Variants in NETO1 observed in about 807,000 individuals in gnomAD.
NETO1 encodes neuropilin and tolloid like 1.
NETO1 carries 26 observed loss-of-function variants against 61.3 expected under a neutral mutation model. The ratio of observed to expected loss-of-function variants is 0.42; its 90% CI spans 0.31 to 0.59. The LOEUF (loss-of-function observed/expected upper bound fraction) is 0.59, where lower values mean the gene tolerates loss of function less well. Ranked by LOEUF, NETO1 falls within the 20% of genes least tolerant of loss-of-function variation. The pLI is 0.12. For synonymous variants in NETO1, 225 were observed against 225.8 expected (o/e 1.00, Z 0.03); for missense variants, 531 against 662.8 (o/e 0.80, Z 2.18).
At chr18:72,768,247 T>G (rs1195456478) in intron 7 of NETO1, among the ~76,000 whole-genome samples, 1 of 152,108 alleles carries the variant, frequency 6.6e-6, no homozygotes, top group Non-Finnish European at 1.5e-5. Context: ...CTTTTTTATT[T>G]TTTTCTACAG....
At chr18:72,865,548 A>G in intron 1 of NETO1, 1 of 1,601,708 alleles carries the variant, frequency 6.2e-7, no homozygotes, top group Non-Finnish European at 8.5e-7. Context: ...GTGGGACTAC[A>G]GGAGTCACAC....
At chr18:72,829,166 G>T (rs1266028080) in intron 4 of NETO1, among the ~76,000 whole-genome samples, 1 of 152,080 alleles carries the variant, frequency 6.6e-6, no homozygotes, top group East Asian at 1.9e-4. Flanking sequence ...AAAAAGAATG[G>T]ATTGAAGAAG....
At chr18:72,776,466 G>A (rs2145200504) in intron 7 of NETO1, among the ~76,000 whole-genome samples, 1 of 152,280 alleles carries the variant, frequency 6.6e-6, no homozygotes, top group Non-Finnish European at 1.5e-5. Flanking sequence ...CATTTGCGCT[G>A]CTCTAAAAAT....
chr18:72,772,862 T>C (rs1313543535), intron 7 of NETO1, among the ~76,000 whole-genome samples: 4 of 100,856 alleles, frequency 4.0e-5, no homozygotes, highest in Non-Finnish European at 8.0e-5. Context: ...TATATATATA[T>C]ATATATATAT....
intron 4 of NETO1, among the ~76,000 whole-genome samples, chr18:72,829,561 G>A (rs190908641): frequency 1.3e-5 from 2 of 152,242 alleles, no homozygotes; most frequent in Admixed American, 1.3e-4. Flanking sequence ...ATATTTAAAT[G>A]TATATCACAT....
At chr18:72,846,702 T>G (rs1031165720) in intron 4 of NETO1, among the ~76,000 whole-genome samples, 3 of 151,966 alleles carry the variant, frequency 2.0e-5, no homozygotes, top group Non-Finnish European at 4.4e-5. Context: ...AGGATGATTA[T>G]TAGGAGAAAG....
intron 4 of NETO1, among the ~76,000 whole-genome samples, chr18:72,832,683 A>G (rs2073620500): frequency 6.6e-6 from 1 of 152,158 alleles, no homozygotes; most frequent in African/African-American, 2.4e-5. Flanking sequence ...GACTAACCCA[A>G]TTTATTCTGC....
rs372051033 is a variant in NETO1, at chr18:72,851,730, T to C, written c.469+7096A>G. 1.2e-3 allele frequency among the ~76,000 whole-genome samples: 177 copies of C among 152,274 alleles called. 1 individual carries two copies. The highest frequency in any genetic ancestry group is 4.2e-3 in the African/African-American group (173 of 41,550). On this transcript the variant is annotated intron_variant, in intron 4 of 10. Coordinates refer to ENST00000327305, the MANE Select transcript of NETO1 (RefSeq NM_138966.5). The stretch of plus-strand genomic sequence containing the variant: ...AACATGGAGAAGATGAATTTTAAAA[T>C]CATGTATCAGTTAATGGTGAAACGC...
rs759649649 is a variant in NETO1, at chr18:72,744,449, T to C, written c.*3730A>G. 6 of 152,144 alleles carry C rather than the reference T, an allele frequency of 3.9e-5. No homozygotes were observed. The highest frequency in any genetic ancestry group is 4.8e-5 in the African/African-American group (2 of 41,442). 9.4% of individuals were successfully genotyped at this position (152,144 alleles called of 1,614,324 possible). A position where few individuals can be genotyped will look rare whatever the true frequency, so the allele number is the denominator to read the frequency against. The stretch of plus-strand genomic sequence containing the variant: ...GAAATATTAATTAAGTGCATAGAGA[T>C]TGATAATTAACTCAAGACCTGTTTA... On this transcript the variant is annotated 3_prime_UTR_variant, in exon 11 of 11. Transcript: ENST00000327305.
At chr18:72,755,919 G>A (rs1408405296) in intron 8 of NETO1, 115 bp downstream of exon 8, 3 of 575,354 alleles carry the variant, frequency 5.2e-6, no homozygotes, top group Non-Finnish European at 9.6e-6. Context: ...ATATGCGGTG[G>A]TCATAAAAGG....
rs1394692054 is a variant in NETO1, at chr18:72,750,571, A to C, written c.1032T>G (p.Thr344=). 1.2e-6 allele frequency: 2 copies of C among 1,612,284 alleles called. No homozygotes were observed. Among genetic ancestry groups the C allele is most frequent in the Non-Finnish European group, 8.5e-7 (1 of 1,179,924 alleles). ...CGATGCAGGAAGTCACGCCAATGAC[A>C]GTCCCACTGGTGTTGGTCAGCTGGT... is the stretch of plus-strand genomic sequence containing the variant. The part of the protein sequence containing the change: ...LLDQLTNTSG[T]VIGVTSCIVI... The change falls in exon 9 of 11, where the codon ACT becomes ACG. Residue 344 remains threonine (T), a synonymous_variant. Transcript: ENST00000327305.
intron 4 of NETO1, among the ~76,000 whole-genome samples, chr18:72,797,193 T>C (rs2072346030): frequency 6.6e-6 from 1 of 152,196 alleles, no homozygotes; most frequent in African/African-American, 2.4e-5. Context: ...TGTGCCTGTT[T>C]CTACAATTTT....
intron 4 of NETO1, among the ~76,000 whole-genome samples, chr18:72,808,427 G>A (rs1432708160): frequency 6.6e-6 from 1 of 150,446 alleles, no homozygotes; most frequent in African/African-American, 2.4e-5. Context: ...ATTTGTGTGT[G>A]TGTGTGTGTG....
At chr18:72,844,399 T>C (rs1418854139) in intron 4 of NETO1, among the ~76,000 whole-genome samples, 1 of 152,208 alleles carries the variant, frequency 6.6e-6, no homozygotes, top group Non-Finnish European at 1.5e-5. Context: ...ACTCTTCCAA[T>C]GGAGGTCTCA....
At position 72,783,897 on chromosome 18, in the gene NETO1, G is replaced by C. The variant is rs138673172; in HGVS notation, c.649C>G (p.Arg217Gly). Residue 217 changes from arginine (R) to glycine (G), a missense_variant, in exon 7 of 11, where the codon CGA becomes GGA. Transcript: ENST00000327305. ...TTCTGCATCTCATAGTCCAAGAATC[G>C]TAAGTAAATCTATAAAACAAAAATA... ...RAPPRSKIYL[R>G]FLDYEMQNSN... 1 of 1,609,758 alleles carries C rather than the reference G, an allele frequency of 6.2e-7. No individual in the cohort carries two copies. The highest frequency in any genetic ancestry group is 1.3e-5 in the African/African-American group (1 of 74,816).
Position 72,867,499 on chromosome 18 carries a change from G to A in NETO1, c.-208C>T, listed in dbSNP as rs1359642048. 24 of 394,848 alleles carry A rather than the reference G, an allele frequency of 6.1e-5. No homozygotes were observed. The highest frequency in any genetic ancestry group is 1.1e-4 in the Non-Finnish European group (24 of 223,392). The allele number at this position is 394,848 out of a possible 1,614,324, so 24.5% of individuals were successfully genotyped here. A position where few individuals can be genotyped will look rare whatever the true frequency, so the allele number is the denominator to read the frequency against. ...TCCGGATGAGTCCGTCCTCCGCCCC[G>A]GGCGGGCTCTCGCTCTCGCTGGCCC... On this transcript the variant is annotated 5_prime_UTR_variant, in exon 1 of 11. Transcript: ENST00000327305.
rs1472370781 is a variant in NETO1 at position 72,867,362 on chromosome 18, G to A, written c.-71C>T. The A allele has an allele frequency of 1.3e-5, 17 of 1,359,356 alleles. No homozygotes were observed. Among genetic ancestry groups the A allele is most frequent in the East Asian group, 2.7e-5 (1 of 36,916 alleles). The allele number at this position is 1,359,356 out of a possible 1,614,324, so 84.2% of individuals were successfully genotyped here. A position where few individuals can be genotyped will look rare whatever the true frequency, so the allele number is the denominator to read the frequency against. On this transcript the variant is annotated 5_prime_UTR_variant, in exon 1 of 11. Transcript: ENST00000327305. ...AGAGACGGGAAGACTTCCAGTGGCG[G>A]GGGGAGGACAGGGTCGAGAGGTGTT...
intron 4 of NETO1, among the ~76,000 whole-genome samples, chr18:72,842,954 C>A (rs1053204626): frequency 2.0e-5 from 3 of 152,122 alleles, no homozygotes; most frequent in Non-Finnish European, 4.4e-5. Flanking sequence ...CTTATAACGG[C>A]ATTTTTAGAA....
rs1396760012 is a variant in NETO1 at position 72,867,416 on chromosome 18, G to C, written c.-125C>G. On this transcript the variant is annotated 5_prime_UTR_variant, in exon 1 of 11. Transcript: ENST00000327305. ...GACGCAAAGCAAGAAGGAAATAAAG[G>C]GGGGCCGAGAGGGAGACCGAGAGGA... 1.6e-6 allele frequency: 1 copy of C among 619,952 alleles called. No individual in the cohort carries two copies. The highest frequency in any genetic ancestry group is 2.6e-6 in the Non-Finnish European group (1 of 389,414). 38.4% of individuals were successfully genotyped at this position (619,952 alleles called of 1,614,324 possible).
Sources: allele counts gnomAD v4.1 joint callset (sites outside exome capture counted in the v4.1 genomes callset), GRCh38; gene constraint gnomAD v4.1.1; transcripts MANE v1.5; gene names NCBI Gene and HGNC (gene_info 2026-07-23, HGNC 2026-07-21).